Variants in DNHD1 observed in about 807,000 individuals in gnomAD.
DNHD1 encodes dynein heavy chain domain-containing protein 1.
Under a neutral mutation model 458.1 loss-of-function variants are expected in DNHD1, and 383 were observed. The observed-to-expected ratio is 0.84, with a 90% CI of 0.77 to 0.91. The LOEUF is 0.91. Among genes scored for constraint, DNHD1 ranks in the 40% least tolerant of loss-of-function variants. DNHD1 has a pLI of 0.00. For missense variants in DNHD1, 5,336 were observed against 5,866.1 expected (o/e 0.91, Z 2.95); for synonymous variants, 2,203 against 2,376.9 (o/e 0.93, Z 2.13).
chr11:6,570,829 G>A lies in DNHD1; in HGVS notation c.13317G>A (p.Leu4439=). ...GCGCCCAGCTTGCGGAAAGGCGACT[G>A]CGGCAACGCCTAGTGCAAGTCAACC... The part of the protein sequence containing the change: ...RRGAQLAERR[L]RQRLVQVNRR... Residue 4439 remains leucine, a synonymous_variant, in exon 42 of 43, where the codon CTG becomes CTA. Coordinates refer to ENST00000254579, the MANE Select transcript of DNHD1 (RefSeq NM_144666.3). The A allele has an allele frequency of 6.2e-7, 1 of 1,614,048 alleles. No homozygotes were observed. The highest frequency in any genetic ancestry group is 8.5e-7 in the Non-Finnish European group (1 of 1,179,902).
At position 6,567,676 on chromosome 11, in the gene DNHD1, T is replaced by C; in HGVS notation, c.12167T>C (p.Leu4056Pro). Residue 4056 changes from leucine (L) to proline (P), a missense_variant, in exon 36 of 43, where the codon CTG (leucine) becomes CCG (proline). Physicochemically the swap from Leu to Pro is moderately conservative, Grantham distance 98 (BLOSUM62 -3). Transcript: ENST00000254579. ...VLRPECLAGA[L>P]ADFTTSLLGR... ...CGACCTGAGTGCCTGGCAGGTGCCC[T>C]GGCAGACTTCACCACTAGCCTCCTG... 1 of 1,613,914 alleles carries C rather than the reference T, an allele frequency of 6.2e-7. No individual in the cohort carries two copies. Among genetic ancestry groups the C allele is most frequent in the Non-Finnish European group, 8.5e-7 (1 of 1,179,884 alleles).
In DNHD1 at chr11:6,529,058, A is replaced by G. The variant is rs551423755; in HGVS notation, c.2284A>G (p.Ile762Val). The G allele has an allele frequency of 3.2e-6, 5 of 1,550,828 alleles. No individual in the cohort carries two copies. Among genetic ancestry groups the G allele is most frequent in the East Asian group, 4.9e-5 (2 of 40,918 alleles). The change falls in exon 12 of 43, where the codon ATC becomes GTC. Residue 762 changes from isoleucine (I) to valine (V), a missense_variant. By Grantham distance (29) the Ile-to-Val change is conservative. Transcript: ENST00000254579. ...VWQARVSSMPIELLTKGGLLL... is the reference protein window; with the variant it reads ...VWQARVSSMPVELLTKGGLLL... ...GCAGGCCCGTGTCTCCAGTATGCCT[A>G]TCGAGTTGCTCACAAAAGGCGGGTT...
chr11:6,515,811 G>T (rs567369047), intron 7 of DNHD1, among the ~76,000 whole-genome samples: 1 of 139,656 alleles, frequency 7.2e-6, no homozygotes, highest in South Asian at 2.3e-4. Context: ...TTGAGTCAGG[G>T]ACTCACTCTG....
intron 12 of DNHD1, among the ~76,000 whole-genome samples, chr11:6,529,623 T>C (rs1852786056): frequency 6.6e-6 from 1 of 152,178 alleles, no homozygotes; most frequent in Admixed American, 6.5e-5. Flanking sequence ...TCTGGGCAAT[T>C]GAAAATTTAT....
chr11:6,501,387 A>G (rs1852133040), intron 3 of DNHD1, among the ~76,000 whole-genome samples: 1 of 152,062 alleles, frequency 6.6e-6, no homozygotes, highest in Non-Finnish European at 1.5e-5. Flanking sequence ...TTCGTAGACT[A>G]AATGAATAAA....
Position 6,567,380 on chromosome 11 carries a change from C to G in DNHD1, c.11871C>G (p.Leu3957=), listed in dbSNP as rs548674238. 7.4e-6 allele frequency: 12 copies of G among 1,613,914 alleles called. No homozygotes were observed. In the South Asian group the frequency reaches 1.2e-4, roughly 16 times the overall value. Residue 3957 remains leucine, a synonymous_variant, in exon 36 of 43, where the codon CTC becomes CTG. Transcript: ENST00000254579. ...GKASELERLA[L]WPGLAASPST... ...CATCAGAGCTGGAAAGACTGGCACT[C>G]TGGCCTGGACTAGCAGCCTCTCCCA...
chr11:6,527,165 A>T (rs1852726231), intron 10 of DNHD1, among the ~76,000 whole-genome samples: 1 of 152,210 alleles, frequency 6.6e-6, no homozygotes, highest in Admixed American at 6.5e-5. Context: ...TGCCATTGCC[A>T]TCATCTTCTC....
Position 6,498,604 on chromosome 11 carries a change from T to C in DNHD1, c.389T>C (p.Ile130Thr). The change falls in exon 3 of 43, where the codon ATT becomes ACT. Residue 130 changes from isoleucine to threonine, a missense_variant. Coordinates refer to ENST00000254579, the MANE Select transcript of DNHD1 (RefSeq NM_144666.3). Reference sequence around the variant, plus strand: ...CTCCATCTGGACCTGCTAGGTGCCATTGTCCAGGCCTTTCCTCCAGACAGC... The same window carrying C: ...CTCCATCTGGACCTGCTAGGTGCCACTGTCCAGGCCTTTCCTCCAGACAGC... Reference protein sequence around the residue: ...THLHLDLLGAIVQAFPPDSSL... With the variant: ...THLHLDLLGATVQAFPPDSSL... 2 of 1,614,224 alleles carry C rather than the reference T, an allele frequency of 1.2e-6. No homozygotes were observed. Among genetic ancestry groups the C allele is most frequent in the Non-Finnish European group, 1.7e-6 (2 of 1,180,020 alleles).
rs765874685 is a variant in DNHD1, at chr11:6,498,581, C to T, written c.366C>T (p.Leu122=). Residue 122 remains leucine (L), a synonymous_variant, in exon 3 of 43, where the codon CTC becomes CTT. Coordinates refer to ENST00000254579, the MANE Select transcript of DNHD1 (RefSeq NM_144666.3). ...GGGCACCCTGGGTCCAAACCCACCT[C>T]CATCTGGACCTGCTAGGTGCCATTG... ...YCWAPWVQTH[L]HLDLLGAIVQ... is the part of the protein sequence containing the mutation. 3.7e-6 allele frequency: 6 copies of T among 1,614,130 alleles called. No individual in the cohort carries two copies. The highest frequency in any genetic ancestry group is 2.7e-5 in the African/African-American group (2 of 74,936).
chr11:6,532,846 A>G (rs906888830), intron 12 of DNHD1, among the ~76,000 whole-genome samples, 181 bp from the exon 13 acceptor site: 2 of 152,190 alleles, frequency 1.3e-5, no homozygotes, highest in Non-Finnish European at 2.9e-5. Flanking sequence ...CTACCAGTAT[A>G]GAGCACAGTC....
chr11:6,534,495 T>C (rs1231823933), intron 14 of DNHD1, among the ~76,000 whole-genome samples: 2 of 152,272 alleles, frequency 1.3e-5, no homozygotes, highest in Admixed American at 6.5e-5. Flanking sequence ...TTATAGAACG[T>C]AGCCTTTTTG....
chr11:6,533,877 G>A lies in DNHD1; in HGVS notation c.2702G>A (p.Cys901Tyr), dbSNP rs942260075. ...CCCCCACAACCACATCTACTCCACT[G>A]CCCTCTGCTTGCCCCACAGCTTCTG... ...PPPPQPHLLH[C>Y]PLLAPQLLDM... The change falls in exon 14 of 43, where the codon TGC becomes TAC. Residue 901 changes from cysteine (C) to tyrosine (Y), a missense_variant. Transcript: ENST00000254579. 3.2e-6 allele frequency: 5 copies of A among 1,550,564 alleles called. No homozygotes were observed. Among genetic ancestry groups the A allele is most frequent in the Non-Finnish European group, 4.4e-6 (5 of 1,146,794 alleles).
Position 6,545,298 on chromosome 11 carries a change from G to A in DNHD1, c.4359G>A (p.Lys1453=), listed in dbSNP as rs2134428460. Residue 1453 remains lysine (K), a synonymous_variant, in exon 21 of 43, where the codon AAG becomes AAA. Coordinates refer to ENST00000254579, the MANE Select transcript of DNHD1 (RefSeq NM_144666.3). The surrounding 1 kb of genome is among the most constrained non-coding windows in gnomAD (Gnocchi z 4.9). The stretch of plus-strand genomic sequence containing the variant: ...CTAAGTGGCTGGCCTCTCTGGAGAA[G>A]TGTCTGCGCTTGGCACTGGTGCACA... ...DLPKWLASLE[K]CLRLALVHML... is the part of the protein sequence containing the mutation. The A allele has an allele frequency of 8.4e-6, 13 of 1,551,764 alleles. No individual in the cohort carries two copies. The highest frequency in any genetic ancestry group is 1.1e-5 in the Non-Finnish European group (13 of 1,147,020).
Position 6,502,862 on chromosome 11 carries a change from A to G in DNHD1, c.856A>G (p.Met286Val). 1 of 1,613,398 alleles carries G rather than the reference A, an allele frequency of 6.2e-7. No homozygotes were observed. The highest frequency in any genetic ancestry group is 8.5e-7 in the Non-Finnish European group (1 of 1,179,730). Residue 286 changes from methionine to valine, a missense_variant, in exon 4 of 43, where the codon ATG becomes GTG. Physicochemically the swap from Met to Val is conservative, Grantham distance 21. Around this residue, in one of 4 missense-constraint regions of DNHD1, gnomAD observed 3,932 missense variants for 4,365.6 expected, o/e 0.90. Coordinates refer to ENST00000254579, the MANE Select transcript of DNHD1 (RefSeq NM_144666.3). The part of the protein sequence containing the change: ...LDSQVMTALK[M>V]ERYLKKIHFL... Reference sequence around the variant, plus strand: ...TAGCCAGGTGATGACTGCTCTGAAGATGGAGAGATACCTGAAGAAGATCCA... The same window carrying G: ...TAGCCAGGTGATGACTGCTCTGAAGGTGGAGAGATACCTGAAGAAGATCCA...
In DNHD1 at chr11:6,544,166, T is replaced by A; in HGVS notation, c.3674T>A (p.Leu1225Ter). 1 of 1,551,642 alleles carries A rather than the reference T, an allele frequency of 6.4e-7. No individual in the cohort carries two copies. Among genetic ancestry groups the A allele is most frequent in the Non-Finnish European group, 8.7e-7 (1 of 1,146,942 alleles). The change falls in exon 19 of 43, where the codon TTG becomes TAG. Residue 1225 changes from leucine (L) to a stop codon, truncating the protein, a stop_gained. Coordinates refer to ENST00000254579, the MANE Select transcript of DNHD1 (RefSeq NM_144666.3). LOFTEE classifies it high-confidence loss of function. ...TCCATCCAGGAAAGTCTTCAGGTGT[T>A]GTCCAAGATCTTGGCCATCGAAAAG... ...QDSIQESLQV[L>*]SKILAIEKSG...
rs529685088 is a variant in DNHD1, at chr11:6,516,913, A to C, written c.1393-2687A>C. The stretch of plus-strand genomic sequence containing the variant: ...ATTGGTATCTCCTGGAATCTTCTTC[A>C]AGATTGTTATGAACATTCTTGTTTT... On this transcript the variant is annotated intron_variant, in intron 7 of 42. Coordinates refer to ENST00000254579, the MANE Select transcript of DNHD1 (RefSeq NM_144666.3). Among the ~76,000 whole-genome samples the C allele has an allele frequency of 4.9e-3, 747 of 152,220 alleles. 5 individuals are homozygous for C. Among genetic ancestry groups the C allele is most frequent in the African/African-American group, 0.017 (716 of 41,516 alleles).
chr11:6,498,459 C>A lies in DNHD1; in HGVS notation c.244C>A (p.Arg82Ser). The change falls in exon 3 of 43, where the codon CGC becomes AGC. Residue 82 changes from arginine (R) to serine (S), a missense_variant. Physicochemically the swap from Arg to Ser is moderately radical, Grantham distance 110. Transcript: ENST00000254579. ...GCAGGACAGTAGCCCTGCAGCTTGG[C>A]GCTATCTTCATGCAGTACTGGGTCT... ...VLQDSSPAAWRYLHAVLGLLP... is the reference protein window; with the variant it reads ...VLQDSSPAAWSYLHAVLGLLP... The A allele has an allele frequency of 6.2e-7, 1 of 1,614,186 alleles. No individual in the cohort carries two copies. The highest frequency in any genetic ancestry group is 8.5e-7 in the Non-Finnish European group (1 of 1,180,052).
intron 40 of DNHD1, 32 bp from the exon 41 acceptor site, chr11:6,570,215 C>G: frequency 6.2e-7 from 1 of 1,613,622 alleles, no homozygotes; most frequent in Non-Finnish European, 8.5e-7. Flanking sequence ...ACTGAAGGTA[C>G]TGGAACTGAG....
intron 17 of DNHD1, 123 bp from the exon 18 acceptor site, chr11:6,539,753 G>T (rs1853052393): frequency 3.5e-6 from 3 of 853,740 alleles, no homozygotes; most frequent in East Asian, 5.3e-5. Flanking sequence ...TCATCTCTGA[G>T]ACCTCCACTT....
Sources: gnomAD v4.1 joint callset for allele counts (sites outside exome capture counted in the v4.1 genomes callset) on GRCh38, gnomAD v4.1.1 for gene constraint, gnomAD v4.1.1 regional missense constraint, Gnocchi (gnomAD v3.1) non-coding constraint, MANE v1.5 for transcripts, NCBI Gene and HGNC (gene_info 2026-07-23, HGNC 2026-07-21) for gene names.